The following HPS5 variants were observed in gnomAD, a reference collection of about 807,000 sequenced individuals.
HPS5 encodes BLOC-2 complex member HPS5.
A neutral mutation model predicts 128.0 loss-of-function variants in HPS5; 83 were observed. The ratio of observed to expected loss-of-function variants is 0.65; its 90% CI spans 0.54 to 0.78. The LOEUF (loss-of-function observed/expected upper bound fraction) is 0.78. Ranked by LOEUF, HPS5 falls within the 30% of genes least tolerant of loss-of-function variation. HPS5 has a pLI of 0.00. For synonymous variants in HPS5, 475 were observed against 470.2 expected, an observed-to-expected ratio of 1.01 and a Z score of -0.13; for missense variants, 1,281 against 1,326.2, an observed-to-expected ratio of 0.97 and a Z score of 0.53.
chr11:18,286,778 G>A (rs767233131), intron 18 of HPS5, 68 bp from the exon 19 acceptor site: 8 of 1,599,512 alleles, frequency 5.0e-6, no homozygotes, highest in Non-Finnish European at 6.8e-6. Context: ...AATGTGGGGA[G>A]TGTGAAGAAA....
At chr11:18,293,419 G>A (rs1860688041) in intron 14 of HPS5, among the ~76,000 whole-genome samples, 1 of 152,142 alleles carries the variant, frequency 6.6e-6, no homozygotes, top group Admixed American at 6.5e-5. Flanking sequence ...TGATCCACCT[G>A]CCTCGGCCTC....
rs749962762 is a variant in HPS5, at chr11:18,313,635, GC to G, written c.109-1612del. On this transcript the variant is annotated intron_variant, in intron 2 of 22. Transcript: ENST00000349215. Reference sequence around the variant, plus strand: ...ACATTTTTATTTTTAAGAAATCCAGGCCAGGCGCAGTGGCTCACGCCTGTAA... The same window carrying G: ...ACATTTTTATTTTTAAGAAATCCAGGCAGGCGCAGTGGCTCACGCCTGTAA... 3.9e-5 allele frequency among the ~76,000 whole-genome samples: 6 copies of G among 152,282 alleles called. No individual in the cohort carries two copies. In the South Asian group the frequency reaches 1.2e-3, roughly 32 times the overall value.
Position 18,308,346 on chromosome 11 carries a change from A to C in HPS5, c.611+600T>G, listed in dbSNP as rs138586527. 3.7e-3 allele frequency among the ~76,000 whole-genome samples: 565 copies of C among 152,326 alleles called. 1 individual carries two copies. The highest frequency in any genetic ancestry group is 9.9e-3 in the Admixed American group (151 of 15,306). Reference sequence around the variant, plus strand: ...TCTTGAAAACAACAAAACTCAAAGAAGACTTCCTGCTTTCCCATCTAAAAA... The same window carrying C: ...TCTTGAAAACAACAAAACTCAAAGACGACTTCCTGCTTTCCCATCTAAAAA... On this transcript the variant is annotated intron_variant, in intron 6 of 22. Transcript: ENST00000349215.
At chr11:18,321,445 G>C (rs1018596091) in intron 1 of HPS5, among the ~76,000 whole-genome samples, 1 of 152,192 alleles carries the variant, frequency 6.6e-6, no homozygotes, top group Non-Finnish European at 1.5e-5. Context: ...TAAGAACATA[G>C]AAGTTGGCGA....
chr11:18,281,833 A>C, intron 22 of HPS5, 117 bp downstream of exon 22: 1 of 1,143,518 alleles, frequency 8.7e-7, no homozygotes, highest in East Asian at 2.3e-5. Context: ...CATCAGTCTC[A>C]GTCTCCTCAT....
At chr11:18,320,075 G>C (rs949399791) in intron 1 of HPS5, among the ~76,000 whole-genome samples, 1 of 151,880 alleles carries the variant, frequency 6.6e-6, no homozygotes, top group Non-Finnish European at 1.5e-5. Context: ...GGGTGTGCAG[G>C]GGGACACACC....
At chr11:18,294,971 G>T in intron 14 of HPS5, 49 bp downstream of exon 14, 1 of 1,607,146 alleles carries the variant, frequency 6.2e-7, no homozygotes, top group Non-Finnish European at 8.5e-7. Flanking sequence ...TCTTAAAACT[G>T]ACAGCTGGAT....
At chr11:18,288,537 A>G (rs1026178718) in intron 16 of HPS5, among the ~76,000 whole-genome samples, 3 of 152,216 alleles carry the variant, frequency 2.0e-5, no homozygotes. Context: ...TGGAATAGCC[A>G]AAAGTCACTT....
At chr11:18,294,752 G>C (rs1860843810) in intron 14 of HPS5, among the ~76,000 whole-genome samples, 2 of 151,920 alleles carry the variant, frequency 1.3e-5, no homozygotes, top group Admixed American at 1.3e-4. Flanking sequence ...CCAATTTTTG[G>C]CTTCCCCGGG....
intron 20 of HPS5, 66 bp from the exon 21 acceptor site, chr11:18,283,967 CA>C: frequency 9.7e-7 from 1 of 1,032,806 alleles, no homozygotes; most frequent in Non-Finnish European, 1.5e-6. Flanking sequence ...CTGTGCTGCC[CA>C]AAACAGTAGA....
intron 8 of HPS5, among the ~76,000 whole-genome samples, chr11:18,303,303 G>C (rs1222691823): frequency 6.6e-6 from 1 of 152,148 alleles, no homozygotes; most frequent in Non-Finnish European, 1.5e-5. Context: ...TCTGATGCTG[G>C]GATGCATACT....
rs192523366 is a variant in HPS5, at chr11:18,281,674, G to A, written c.3329+276C>T. 5.3e-3 allele frequency among the ~76,000 whole-genome samples: 805 copies of A among 152,148 alleles called. 7 individuals are homozygous for A. Among genetic ancestry groups the A allele is most frequent in the Non-Finnish European group, 6.0e-3 (407 of 67,996 alleles). On this transcript the variant is annotated intron_variant, in intron 22 of 22. Transcript: ENST00000349215. ...CCACCTCGGCCTCACAAAGTGCAAGGATTACAGGCGTGAACCACCACGACC... is the reference window on the plus strand; with the variant it reads ...CCACCTCGGCCTCACAAAGTGCAAGAATTACAGGCGTGAACCACCACGACC...
At chr11:18,281,446 CTAGAG>C (rs1377522112) in intron 22 of HPS5, among the ~76,000 whole-genome samples, 1 of 150,984 alleles carries the variant, frequency 6.6e-6, no homozygotes, top group Non-Finnish European at 1.5e-5. Flanking sequence ...TGTCACCAGG[CTAGAG>C]TACAGTGTCA....
chr11:18,311,336 A>C (rs759237078), intron 4 of HPS5, 51 bp downstream of exon 4: 1 of 1,282,664 alleles, frequency 7.8e-7, no homozygotes, highest in Non-Finnish European at 1.1e-6. Context: ...CACATGTGTC[A>C]ATTTAAAATG....
chr11:18,300,414 C>T (rs1861556676), intron 9 of HPS5, among the ~76,000 whole-genome samples: 1 of 152,148 alleles, frequency 6.6e-6, no homozygotes, highest in African/African-American at 2.4e-5. Flanking sequence ...GGCACGGTGG[C>T]TCACACCTGT....
chr11:18,321,765 A>C (rs1864389677), intron 1 of HPS5, among the ~76,000 whole-genome samples, 181 bp downstream of exon 1: 1 of 152,224 alleles, frequency 6.6e-6, no homozygotes, highest in South Asian at 2.1e-4. Flanking sequence ...ATCCAAGAAG[A>C]AATGATCAGA....
At chr11:18,292,700 A>G (rs896879458) in intron 15 of HPS5, among the ~76,000 whole-genome samples, 199 bp downstream of exon 15, 9 of 152,248 alleles carry the variant, frequency 5.9e-5, no homozygotes, top group African/African-American at 9.6e-5. Flanking sequence ...GCCAAGAATG[A>G]AAACTTCAGT....
chr11:18,300,328 A>G (rs1429916980), intron 9 of HPS5, among the ~76,000 whole-genome samples: 2 of 152,222 alleles, frequency 1.3e-5, no homozygotes, highest in Non-Finnish European at 2.9e-5. Flanking sequence ...GCTGAATGCA[A>G]ATTCACTAAT....
chr11:18,299,103 T>C, intron 9 of HPS5, 133 bp from the exon 10 acceptor site: 1 of 776,008 alleles, frequency 1.3e-6, no homozygotes, highest in South Asian at 1.5e-5. Context: ...TCTCTATTTT[T>C]CTACTTGCAG....
Sources: gnomAD v4.1 joint callset for allele counts (sites outside exome capture counted in the v4.1 genomes callset) on GRCh38, gnomAD v4.1.1 for gene constraint, MANE v1.5 for transcripts, NCBI Gene and HGNC (gene_info 2026-07-23, HGNC 2026-07-21) for gene names.